CSMD1: variants seen among roughly 807,000 people sequenced by gnomAD.
The protein encoded by CSMD1 is CUB and sushi domain-containing protein 1.
Under a neutral mutation model 417.5 loss-of-function variants are expected in CSMD1, and 213 were observed. That is an observed-to-expected ratio of 0.51 (90% CI 0.46 to 0.57). The LOEUF is 0.57. Ranked by LOEUF, CSMD1 falls within the 20% of genes least tolerant of loss-of-function variation. The pLI is 0.00. For missense variants in CSMD1, 6,923 were observed against 4,529.7 expected (o/e 1.53, Z -15.17); for synonymous variants, 2,862 against 1,736.8 (o/e 1.65, Z -16.11).
At chr8:3,360,066 G>C (rs1176907851) in intron 20 of CSMD1, among the ~76,000 whole-genome samples, 1 of 152,106 alleles carries the variant, frequency 6.6e-6, no homozygotes, top group Non-Finnish European at 1.5e-5. Flanking sequence ...AAAGGCACAG[G>C]GCTATGTTTC....
chr8:3,754,972 A>ATC (rs35371339), intron 5 of CSMD1, among the ~76,000 whole-genome samples: 151,068 of 152,306 alleles, frequency 0.99, 74,926 homozygotes, highest in East Asian at 1. Context: ...CAGTGCATTC[A>ATC]TTTTAAAAAT....
chr8:3,158,719 C>A (rs147634293), intron 38 of CSMD1, among the ~76,000 whole-genome samples: 22 of 151,908 alleles, frequency 1.4e-4, no homozygotes, highest in African/African-American at 5.3e-4. Context: ...GAGAGGTGAT[C>A]CATGAGACCT....
chr8:4,723,826 G>A (rs1308834727), intron 1 of CSMD1, among the ~76,000 whole-genome samples: 5 of 146,834 alleles, frequency 3.4e-5, no homozygotes, highest in African/African-American at 5.2e-5. Flanking sequence ...ACAAAACAGT[G>A]CCTGAATCAT....
At chr8:3,058,765 G>A (rs1812401416) in intron 49 of CSMD1, among the ~76,000 whole-genome samples, 1 of 151,976 alleles carries the variant, frequency 6.6e-6, no homozygotes, top group Admixed American at 6.6e-5. Flanking sequence ...TATCCTAAAT[G>A]CCCTAGGGAG....
At chr8:4,129,140 A>G (rs1054942645) in intron 3 of CSMD1, among the ~76,000 whole-genome samples, 6 of 151,544 alleles carry the variant, frequency 4.0e-5, no homozygotes, top group Non-Finnish European at 8.8e-5. Context: ...CTTTTGTTTC[A>G]TCTGTACTTA....
intron 3 of CSMD1, among the ~76,000 whole-genome samples, chr8:4,361,934 C>A (rs1218856220): frequency 6.6e-6 from 1 of 152,016 alleles, no homozygotes; most frequent in Non-Finnish European, 1.5e-5. Context: ...CAAGGCCCTC[C>A]AGCCTGGGCA....
chr8:2,951,762 G>A (rs1480780509), intron 65 of CSMD1, among the ~76,000 whole-genome samples: 1 of 152,138 alleles, frequency 6.6e-6, no homozygotes. Context: ...ACATATCCCA[G>A]CACCAAGTGG....
chr8:3,450,822 A>G (rs1183651522), intron 12 of CSMD1, among the ~76,000 whole-genome samples: 7 of 151,918 alleles, frequency 4.6e-5, no homozygotes, highest in East Asian at 3.9e-4. Context: ...TCCTTTGGGT[A>G]TATACCCAGT....
chr8:4,086,147 A>G (rs895476807), intron 3 of CSMD1, among the ~76,000 whole-genome samples: 1 of 152,096 alleles, frequency 6.6e-6, no homozygotes, highest in East Asian at 1.9e-4. Flanking sequence ...TTAAGTTGCA[A>G]TTTTTTTCAA....
chr8:3,775,969 C>G (rs1409814281), intron 5 of CSMD1, among the ~76,000 whole-genome samples: 1 of 152,206 alleles, frequency 6.6e-6, no homozygotes, highest in South Asian at 2.1e-4. Flanking sequence ...TTCATGTCAT[C>G]AGCCCAGGCT....
intron 5 of CSMD1, among the ~76,000 whole-genome samples, chr8:3,902,471 C>G (rs897479735): frequency 3.3e-5 from 5 of 152,014 alleles, no homozygotes; most frequent in Non-Finnish European, 5.9e-5. Context: ...TCCATGGACT[C>G]AAGTGGCAGG....
intron 1 of CSMD1, among the ~76,000 whole-genome samples, chr8:4,985,029 C>T (rs1156822620): frequency 1.3e-5 from 2 of 152,114 alleles, no homozygotes; most frequent in Non-Finnish European, 2.9e-5. Context: ...TACCATGCAG[C>T]CATAAAAAAG....
At position 3,817,252 on chromosome 8, in the gene CSMD1, C is replaced by CTTTTTTTTTTTTT. The variant is rs767668610; in HGVS notation, c.819-63223_819-63211dup. Among the ~76,000 whole-genome samples the CTTTTTTTTTTTTT allele has an allele frequency of 3.5e-4, 19 of 54,420 alleles. 5 individuals carry two copies. Among genetic ancestry groups the CTTTTTTTTTTTTT allele is most frequent in the East Asian group, 1.4e-3 (2 of 1,420 alleles). The allele number at this position is 54,420 out of a possible 152,430, so 35.7% of individuals were successfully genotyped here. A position where few individuals can be genotyped will look rare whatever the true frequency, so the allele number is the denominator to read the frequency against. ...TCCAAAGTGGTCATATCTTCTTCTT[C>CTTTTTTTTTTTTT]TTTTTTTTTTTTTTTTTTTTTTTTT... is the stretch of plus-strand genomic sequence containing the variant. On this transcript the variant is annotated intron_variant, in intron 5 of 69. Transcript: ENST00000635120.
At chr8:3,320,179 A>G (rs954175929) in intron 23 of CSMD1, among the ~76,000 whole-genome samples, 15 of 152,162 alleles carry the variant, frequency 9.9e-5, no homozygotes, top group African/African-American at 3.6e-4. Context: ...CAAAATAATG[A>G]CGATTATAAG....
chr8:4,490,961 G>A (rs62479711), intron 2 of CSMD1, among the ~76,000 whole-genome samples: 6 of 152,162 alleles, frequency 3.9e-5, no homozygotes, highest in Non-Finnish European at 7.3e-5. Context: ...CAAGAGAACT[G>A]TTATGTGAAC....
At chr8:4,299,063 A>G (rs1342398611) in intron 3 of CSMD1, among the ~76,000 whole-genome samples, 2 of 152,178 alleles carry the variant, frequency 1.3e-5, no homozygotes, top group Non-Finnish European at 2.9e-5. Context: ...TCTCCTGTTA[A>G]TCCTATTTCT....
intron 2 of CSMD1, among the ~76,000 whole-genome samples, chr8:4,577,446 G>A (rs937740922): frequency 2.0e-5 from 3 of 152,100 alleles, no homozygotes; most frequent in Non-Finnish European, 4.4e-5. Context: ...AACCCAACAG[G>A]CTCCCAGCTC....
rs114671372 is a variant in CSMD1 at position 4,293,912 on chromosome 8, G to C, written c.415+126041C>G. Among the ~76,000 whole-genome samples, 1,220 of 151,960 alleles carry C rather than the reference G, an allele frequency of 8.0e-3. 13 individuals carry two copies. The highest frequency in any genetic ancestry group is 0.028 in the African/African-American group (1,183 of 41,510). On this transcript the variant is annotated intron_variant, in intron 3 of 69. Transcript: ENST00000635120. ...GGTTTGATAGAGGGATGTCCTATTA[G>C]TGTCTACTGTAGAGCTTTCCACACT...
intron 3 of CSMD1, among the ~76,000 whole-genome samples, chr8:4,131,194 G>C (rs561877800): frequency 6.6e-6 from 1 of 152,278 alleles, no homozygotes; most frequent in East Asian, 1.9e-4. Flanking sequence ...AGACTTCATA[G>C]TTAAATAGAG....
Sources: gnomAD v4.1 joint callset for allele counts (sites outside exome capture counted in the v4.1 genomes callset) on GRCh38, gnomAD v4.1.1 for gene constraint, MANE v1.5 for transcripts, NCBI Gene and HGNC (gene_info 2026-07-23, HGNC 2026-07-21) for gene names.